Variants in ASTN2 observed in about 807,000 individuals in gnomAD.
ASTN2 encodes astrotactin 2, also known as astrotactin-2.
Under a neutral mutation model 139.8 loss-of-function variants are expected in ASTN2, and 54 were observed. The observed-to-expected ratio is 0.39, with a 90% CI of 0.31 to 0.48. ASTN2 has a LOEUF of 0.48. Among genes scored for constraint, ASTN2 ranks in the 20% least tolerant of loss-of-function variants. The probability of loss-of-function intolerance (pLI) is 0.95; values close to 1 mark genes in which losing one functional copy is unlikely to be tolerated. For missense variants in ASTN2, 1,565 were observed against 1,725.1 expected (o/e 0.91, Z 1.64); for synonymous variants, 756 against 719.5 (o/e 1.05, Z -0.81).
At chr9:116,608,842 A>G (rs556981714) in intron 19 of ASTN2, among the ~76,000 whole-genome samples, 2 of 152,258 alleles carry the variant, frequency 1.3e-5, no homozygotes, top group African/African-American at 4.8e-5. Flanking sequence ...AGCAAACAAG[A>G]ACATTAAAAG....
intron 1 of ASTN2, among the ~76,000 whole-genome samples, chr9:117,399,463 A>G (rs1481625510): frequency 2.6e-5 from 4 of 152,186 alleles, no homozygotes; most frequent in Non-Finnish European, 5.9e-5. Flanking sequence ...GGGTCGATCA[A>G]CATTTTCCAA....
chr9:116,916,501 G>C (rs143909661), intron 10 of ASTN2, among the ~76,000 whole-genome samples: 2 of 152,106 alleles, frequency 1.3e-5, no homozygotes. Flanking sequence ...GTCTTTGGCC[G>C]TCTGACACCA....
chr9:117,244,567 AAGGAAGGGAGGG>A (rs1213407952), intron 2 of ASTN2, among the ~76,000 whole-genome samples: 6 of 93,836 alleles, frequency 6.4e-5, no homozygotes, highest in Non-Finnish European at 1.2e-4. Flanking sequence ...GGAAGGAAGG[AAGGAAGGGAGGG>A]AGGGAGGGAG....
Position 116,765,072 on chromosome 9 carries a change from C to T in ASTN2, c.2397-31549G>A, listed in dbSNP as rs143680855. Among the ~76,000 whole-genome samples the T allele has an allele frequency of 1.4e-3, 212 of 152,226 alleles. 2 individuals carry two copies. The highest frequency in any genetic ancestry group is 5.0e-3 in the African/African-American group (208 of 41,544). On this transcript the variant is annotated intron_variant, in intron 13 of 22. Coordinates refer to ENST00000313400, the MANE Select transcript of ASTN2 (RefSeq NM_001365068.1). ...GAAATGCTGATACCTCTACAAAATA[C>T]GTGCTAATGACAAATTTGAGGACTG...
intron 2 of ASTN2, among the ~76,000 whole-genome samples, chr9:117,249,843 C>T (rs1349759410): frequency 1.3e-5 from 2 of 152,204 alleles, no homozygotes; most frequent in East Asian, 1.9e-4. Flanking sequence ...TATCCTGTTG[C>T]CTTCTTTGTC....
At chr9:117,399,075 C>T (rs1388089810) in intron 1 of ASTN2, among the ~76,000 whole-genome samples, 1 of 152,146 alleles carries the variant, frequency 6.6e-6, no homozygotes, top group Non-Finnish European at 1.5e-5. Context: ...TGAGCCACCG[C>T]GCCTGACCCA....
intron 1 of ASTN2, among the ~76,000 whole-genome samples, chr9:117,327,493 C>A (rs1828555631): frequency 6.6e-6 from 1 of 152,078 alleles, no homozygotes; most frequent in African/African-American, 2.4e-5. Flanking sequence ...CCATTGGAGG[C>A]AGGCTGAAGA....
intron 13 of ASTN2, among the ~76,000 whole-genome samples, chr9:116,771,810 C>T (rs959925181): frequency 6.6e-6 from 1 of 152,190 alleles, no homozygotes; most frequent in Non-Finnish European, 1.5e-5. Flanking sequence ...CCATGCCCAA[C>T]TGGAATATGG....
At chr9:116,748,423 G>T (rs1259988329) in intron 13 of ASTN2, among the ~76,000 whole-genome samples, 1 of 152,110 alleles carries the variant, frequency 6.6e-6, no homozygotes. Context: ...ATCCCCGAGG[G>T]GTCTAGCTGC....
chr9:116,944,408 C>A (rs948660495), intron 10 of ASTN2, among the ~76,000 whole-genome samples: 1 of 152,000 alleles, frequency 6.6e-6, no homozygotes, highest in Non-Finnish European at 1.5e-5. Flanking sequence ...AGGCCAGGCA[C>A]GGTGGCTCAT....
intron 18 of ASTN2, 145 bp from the exon 19 acceptor site, chr9:116,618,617 T>C (rs1855972337): frequency 2.1e-5 from 20 of 935,616 alleles, no homozygotes; most frequent in Non-Finnish European, 2.8e-5. Flanking sequence ...TGCATGACCG[T>C]AGGCAAGTTA....
At chr9:116,826,569 G>A (rs1210516680) in intron 11 of ASTN2, among the ~76,000 whole-genome samples, 1 of 152,056 alleles carries the variant, frequency 6.6e-6, no homozygotes, top group Admixed American at 6.6e-5. Context: ...AGACCAACAC[G>A]GGTTGCTTGA....
Position 117,008,154 on chromosome 9 carries a change from AC to A in ASTN2, c.1528del (p.Val510Ter). ...CGTCCTTTGTCCACAGAGGTCCCTC[AC>A]CCATGGGGAGGTGGCATTGATCTGG... Reference protein sequence around the residue: ...YYQINATSPWVRDLCGQRTTD... With the variant: ...YYQINATSPWXRDLCGQRTTD... On this transcript the variant is annotated frameshift_variant, in exon 7 of 23. Transcript: ENST00000313400. LOFTEE classifies it high-confidence loss of function. 6.2e-7 allele frequency: 1 copy of A among 1,610,762 alleles called. No individual in the cohort carries two copies.
intron 20 of ASTN2, among the ~76,000 whole-genome samples, chr9:116,448,923 G>C (rs927370593): frequency 8.5e-5 from 13 of 152,148 alleles, no homozygotes; most frequent in Non-Finnish European, 1.8e-4. Context: ...CTCTCATTCT[G>C]AACCCAGCTC....
At chr9:116,897,973 A>T (rs1279737405) in intron 10 of ASTN2, among the ~76,000 whole-genome samples, 1 of 152,190 alleles carries the variant, frequency 6.6e-6, no homozygotes, top group African/African-American at 2.4e-5. Context: ...TGGATGGGGT[A>T]GTCAGAGTGA....
chr9:117,027,969 G>C (rs577957083), intron 6 of ASTN2, among the ~76,000 whole-genome samples: 1 of 152,086 alleles, frequency 6.6e-6, no homozygotes, highest in Admixed American at 6.5e-5. Context: ...ACAGTGACTC[G>C]TCCAAGATCC....
At chr9:116,526,835 A>T (rs2119265030) in intron 19 of ASTN2, among the ~76,000 whole-genome samples, 1 of 152,298 alleles carries the variant, frequency 6.6e-6, no homozygotes, top group Non-Finnish European at 1.5e-5. Flanking sequence ...GTGATTAGAG[A>T]ATGTCTGATG....
At chr9:116,562,552 C>G (rs2131666105) in intron 19 of ASTN2, among the ~76,000 whole-genome samples, 1 of 151,678 alleles carries the variant, frequency 6.6e-6, no homozygotes, top group Admixed American at 6.6e-5. Context: ...GCCTGGCCAA[C>G]ATGGCGAAAC....
At chr9:116,709,680 A>G (rs1180963713) in intron 16 of ASTN2, among the ~76,000 whole-genome samples, 2 of 152,210 alleles carry the variant, frequency 1.3e-5, no homozygotes, top group Non-Finnish European at 1.5e-5. Flanking sequence ...TACTCAAAGT[A>G]TAAGTCAAGG....
Sources: allele counts gnomAD v4.1 joint callset (sites outside exome capture counted in the v4.1 genomes callset), GRCh38; gene constraint gnomAD v4.1.1; transcripts MANE v1.5; gene names NCBI Gene and HGNC (gene_info 2026-07-23, HGNC 2026-07-21).